The following UIMC1 variants were observed in gnomAD, a reference collection of about 807,000 sequenced individuals.
UIMC1 encodes ubiquitin interaction motif containing 1, also known as BRCA1-A complex subunit RAP80.
UIMC1 carries 42 observed loss-of-function variants against 84.9 expected under a neutral mutation model. The observed-to-expected ratio is 0.49, with a 90% confidence interval of 0.39 to 0.64. The LOEUF (loss-of-function observed/expected upper bound fraction) is 0.64, where lower values mean the gene tolerates loss of function less well. UIMC1 is among the 30% of genes least tolerant of loss of function. UIMC1 has a pLI of 0.00. For missense variants in UIMC1, 825 were observed against 847.6 expected (o/e 0.97, Z 0.33); for synonymous variants, 281 against 293.0 (o/e 0.96, Z 0.42).
At chr5:177,021,771 G>T (rs926568684) in intron 1 of UIMC1, among the ~76,000 whole-genome samples, 1 of 152,112 alleles carries the variant, frequency 6.6e-6, no homozygotes, top group East Asian at 1.9e-4. Flanking sequence ...TCCTGGCTCA[G>T]CCTCCGAGTA....
At chr5:176,938,452 G>A (rs1259856190) in intron 10 of UIMC1, among the ~76,000 whole-genome samples, 9 of 152,216 alleles carry the variant, frequency 5.9e-5, no homozygotes, top group Admixed American at 3.9e-4. Flanking sequence ...ACTAGCAGGT[G>A]CTCTGCATAA....
intron 6 of UIMC1, among the ~76,000 whole-genome samples, chr5:176,963,521 T>TAAAAAAAAAAAAA (rs74389908): frequency 7.7e-6 from 1 of 130,020 alleles, no homozygotes. Context: ...ACTCCATCTT[T>TAAAAAAAAAAAAA]AAAAAAAAAA....
intron 10 of UIMC1, among the ~76,000 whole-genome samples, chr5:176,920,648 T>TA (rs1323626813): frequency 6.6e-6 from 1 of 152,254 alleles, no homozygotes; most frequent in Non-Finnish European, 1.5e-5. Context: ...GCAAACTTGC[T>TA]AAACTCGTTT....
intron 10 of UIMC1, among the ~76,000 whole-genome samples, chr5:176,941,957 A>T (rs572708844): frequency 8.6e-5 from 13 of 151,876 alleles, no homozygotes; most frequent in African/African-American, 2.7e-4. Flanking sequence ...AATTCTCCTG[A>T]CTCAGCCTCC....
intron 10 of UIMC1, among the ~76,000 whole-genome samples, chr5:176,915,151 C>T (rs1476380747): frequency 6.6e-6 from 1 of 152,040 alleles, no homozygotes; most frequent in Non-Finnish European, 1.5e-5. Context: ...CTGCATTTAC[C>T]ACATTTCTGT....
At chr5:176,912,467 GTTTTTTGT>G (rs1297794438) in intron 10 of UIMC1, among the ~76,000 whole-genome samples, 5 of 77,034 alleles carry the variant, frequency 6.5e-5, no homozygotes, top group South Asian at 6.0e-4. Flanking sequence ...AGTCTTGACT[GTTTTTTGT>G]TTTTTTTTTT....
At chr5:176,992,694 T>C (rs923996320) in intron 1 of UIMC1, among the ~76,000 whole-genome samples, 5 of 151,968 alleles carry the variant, frequency 3.3e-5, no homozygotes, top group Admixed American at 2.6e-4. Context: ...TAGTTCCAGC[T>C]ACTCAGAAGG....
At chr5:176,998,877 C>T (rs1003518531) in intron 1 of UIMC1, among the ~76,000 whole-genome samples, 2 of 152,058 alleles carry the variant, frequency 1.3e-5, no homozygotes, top group Non-Finnish European at 2.9e-5. Context: ...TACAAGTCTG[C>T]GCTCATTTTA....
intron 1 of UIMC1, among the ~76,000 whole-genome samples, chr5:177,011,780 G>C (rs1775553638): frequency 1.3e-5 from 2 of 151,884 alleles, no homozygotes; most frequent in African/African-American, 4.8e-5. Flanking sequence ...CCGTGGCAGA[G>C]GAACATAAAT....
At chr5:176,982,419 A>C (rs146806119) in intron 2 of UIMC1, 50 bp downstream of exon 2, 7 of 1,576,194 alleles carry the variant, frequency 4.4e-6, no homozygotes, top group Admixed American at 4.0e-5. Flanking sequence ...ATGGGTAAAG[A>C]AGCATAGTTT....
intron 6 of UIMC1, among the ~76,000 whole-genome samples, chr5:176,958,667 G>A (rs1408443297): frequency 6.6e-6 from 1 of 152,170 alleles, no homozygotes; most frequent in East Asian, 1.9e-4. Context: ...CATAACACAG[G>A]ACATCTAAAG....
intron 1 of UIMC1, among the ~76,000 whole-genome samples, chr5:177,015,938 C>T (rs774851178): frequency 6.6e-6 from 1 of 151,982 alleles, no homozygotes; most frequent in African/African-American, 2.4e-5. Context: ...GACGTGGTGG[C>T]GCACATCTGT....
At chr5:176,948,764 T>C (rs1269621058) in intron 9 of UIMC1, among the ~76,000 whole-genome samples, 8 of 152,180 alleles carry the variant, frequency 5.3e-5, no homozygotes, top group Non-Finnish European at 8.8e-5. Flanking sequence ...GAGCTGGGAT[T>C]TAAAGCCATG....
chr5:176,970,271 CAA>C (rs57976266), intron 4 of UIMC1: 4,728 of 77,566 alleles, frequency 0.061, 147 homozygotes, highest in African/African-American at 0.15. Flanking sequence ...GACTCCATCT[CAA>C]AAAAAAAAAA....
intron 10 of UIMC1, among the ~76,000 whole-genome samples, chr5:176,917,374 C>T (rs2149400763): frequency 6.6e-6 from 1 of 152,248 alleles, no homozygotes; most frequent in Admixed American, 6.5e-5. Context: ...GAGTTCCAGA[C>T]CAGCCTGGCC....
intron 10 of UIMC1, among the ~76,000 whole-genome samples, chr5:176,917,033 TG>T (rs1761059144): frequency 6.6e-6 from 1 of 152,108 alleles, no homozygotes; most frequent in Non-Finnish European, 1.5e-5. Context: ...GAATGACAAG[TG>T]GTTAAAGTCT....
At chr5:177,003,031 G>C (rs923163028) in intron 1 of UIMC1, among the ~76,000 whole-genome samples, 1 of 151,964 alleles carries the variant, frequency 6.6e-6, no homozygotes, top group African/African-American at 2.4e-5. Context: ...AATATTTGCT[G>C]AGTGAATAAA....
intron 3 of UIMC1, among the ~76,000 whole-genome samples, chr5:176,972,675 G>T (rs960231275): frequency 4.5e-4 from 68 of 152,070 alleles, no homozygotes; most frequent in Admixed American, 1.6e-3. Flanking sequence ...GGCGGAGGTT[G>T]CAGCGAGCCA....
chr5:176,982,445 A>C (rs1771199136), intron 2 of UIMC1, 24 bp downstream of exon 2: 1 of 1,602,254 alleles, frequency 6.2e-7, no homozygotes, highest in African/African-American at 1.3e-5. Flanking sequence ...CTACAGCTCT[A>C]CTTTTCAGCT....
Sources: allele counts gnomAD v4.1 joint callset (sites outside exome capture counted in the v4.1 genomes callset), GRCh38; gene constraint gnomAD v4.1.1; transcripts MANE v1.5; gene names NCBI Gene and HGNC (gene_info 2026-07-23, HGNC 2026-07-21).